The following IL1RAPL1 variants were observed in gnomAD, a reference collection of about 807,000 sequenced individuals.
The protein encoded by IL1RAPL1 is interleukin 1 receptor accessory protein like 1.
A neutral mutation model predicts 48.4 loss-of-function variants in IL1RAPL1; 3 were observed. The observed-to-expected ratio is 0.06, with a 90% CI of 0.03 to 0.16. The LOEUF (loss-of-function observed/expected upper bound fraction) is 0.16. Ranked by LOEUF, IL1RAPL1 falls within the 10% of genes least tolerant of loss-of-function variation. The probability of loss-of-function intolerance (pLI) is 1.00; values close to 1 mark genes in which losing one functional copy is unlikely to be tolerated. For missense variants in IL1RAPL1, 349 were observed against 530.6 expected (o/e 0.66, Z 3.36); for synonymous variants, 185 against 187.7 (o/e 0.99, Z 0.12).
At chrX:28,904,023 G>C (rs1386849067) in intron 2 of IL1RAPL1, among the ~76,000 whole-genome samples, 2 of 109,981 alleles carry the variant, frequency 1.8e-5, no homozygotes, top group African/African-American at 6.6e-5. Context: ...TAGACCTACA[G>C]TTATAGTTTT....
In IL1RAPL1 at chrX:29,285,821, C is replaced by T. The variant is rs180727206; in HGVS notation, c.362+2604C>T. ...CTTTTCCAATTTGGAAAGGGGTACTCAAAAGTCTTTACAAACAGCATTTGA... is the reference window on the plus strand; with the variant it reads ...CTTTTCCAATTTGGAAAGGGGTACTTAAAAGTCTTTACAAACAGCATTTGA... On this transcript the variant is annotated intron_variant, in intron 3 of 10. Transcript: ENST00000378993. 5.4e-4 allele frequency among the ~76,000 whole-genome samples: 60 copies of T among 111,265 alleles called. 1 individual carries two copies. The highest frequency in any genetic ancestry group is 1.9e-3 in the African/African-American group (59 of 30,702).
chrX:29,088,501 C>T (rs941454610), intron 2 of IL1RAPL1, among the ~76,000 whole-genome samples: 2 of 108,383 alleles, frequency 1.8e-5, no homozygotes, highest in Non-Finnish European at 3.8e-5. Flanking sequence ...CATGGTGAAA[C>T]CCTGTCTCTA....
At chrX:28,687,151 A>C (rs1287637417) in intron 1 of IL1RAPL1, among the ~76,000 whole-genome samples, 1 of 111,546 alleles carries the variant, frequency 9.0e-6, no homozygotes, top group Non-Finnish European at 1.9e-5. Context: ...TCTGCTTTCC[A>C]GTATAATTAT....
At chrX:29,946,187 T>C (rs775082569) in intron 9 of IL1RAPL1, among the ~76,000 whole-genome samples, 1 of 112,427 alleles carries the variant, frequency 8.9e-6, no homozygotes, top group Non-Finnish European at 1.9e-5. Flanking sequence ...TTCTCTATCT[T>C]ATCCTTCACA....
chrX:28,768,238 AT>A (rs1212221449), intron 1 of IL1RAPL1, among the ~76,000 whole-genome samples: 1 of 111,310 alleles, frequency 9.0e-6, no homozygotes, highest in Non-Finnish European at 1.9e-5. Flanking sequence ...GACTACATTG[AT>A]TTTGTGCACT....
chrX:29,547,330 C>A (rs907606692), intron 5 of IL1RAPL1, among the ~76,000 whole-genome samples: 1 of 110,982 alleles, frequency 9.0e-6, no homozygotes, highest in Non-Finnish European at 1.9e-5. Context: ...TGTCTAAGGT[C>A]CGTGATGCCC....
rs895045959 is a variant in IL1RAPL1 at position 29,445,540 on chromosome X, G to A, written c.703+46232G>A. ...GGCCCTTGCTGTTTCTGAGTTAGGA[G>A]TTTTATACAATATACAGAAATGTCC... is the stretch of plus-strand genomic sequence containing the variant. On this transcript the variant is annotated intron_variant, in intron 5 of 10. Transcript: ENST00000378993. Among the ~76,000 whole-genome samples, 3 of 111,973 alleles carry A rather than the reference G, an allele frequency of 2.7e-5. No homozygotes were observed. In the Admixed American group the frequency reaches 2.8e-4, roughly 11 times the overall value.
intron 2 of IL1RAPL1, among the ~76,000 whole-genome samples, chrX:29,176,260 A>ATT (rs779013148): frequency 4.0e-3 from 366 of 90,836 alleles, no homozygotes; most frequent in African/African-American, 8.1e-3. Context: ...CGCCTGGCTA[A>ATT]TTTTTTTTTT....
At chrX:29,341,012 AAG>A (rs1041799080) in intron 3 of IL1RAPL1, among the ~76,000 whole-genome samples, 1 of 112,415 alleles carries the variant, frequency 8.9e-6, no homozygotes, top group Non-Finnish European at 1.9e-5. Context: ...TAACCTATGT[AAG>A]AGAATATTCA....
At chrX:29,485,447 C>A (rs1466770162) in intron 5 of IL1RAPL1, among the ~76,000 whole-genome samples, 1 of 111,520 alleles carries the variant, frequency 9.0e-6, no homozygotes, top group Non-Finnish European at 1.9e-5. Context: ...ACTCATACAC[C>A]TCTGCAAGGT....
At position 29,776,980 on chromosome X, in the gene IL1RAPL1, A is replaced by G. The variant is rs781681816; in HGVS notation, c.778+108476A>G. 1.2e-3 allele frequency among the ~76,000 whole-genome samples: 139 copies of G among 112,122 alleles called. No homozygotes were observed. In the Middle Eastern group the frequency reaches 0.014, roughly 11 times the overall value. ...AAAACTTGCTCTCCACTTTGGTCAT[A>G]CTTGCTTTAATTCATTGCTAATTGA... On this transcript the variant is annotated intron_variant, in intron 6 of 10. Coordinates refer to ENST00000378993, the MANE Select transcript of IL1RAPL1 (RefSeq NM_014271.4).
At chrX:29,439,982 A>G (rs770551690) in intron 5 of IL1RAPL1, among the ~76,000 whole-genome samples, 41 of 56,945 alleles carry the variant, frequency 7.2e-4, no homozygotes, top group Non-Finnish European at 3.8e-4. Context: ...AACCTTATCA[A>G]TTTGACACGT....
chrX:29,667,249 C>T (rs1180798849), intron 5 of IL1RAPL1, among the ~76,000 whole-genome samples: 1 of 111,873 alleles, frequency 8.9e-6, no homozygotes, highest in Non-Finnish European at 1.9e-5. Context: ...AAACTCATTC[C>T]TTTTATTCTC....
intron 2 of IL1RAPL1, among the ~76,000 whole-genome samples, chrX:29,034,278 A>G (rs1926682066): frequency 8.9e-6 from 1 of 111,981 alleles, no homozygotes; most frequent in Admixed American, 9.5e-5. Flanking sequence ...TTTGTAACCG[A>G]GTTCTCTATT....
intron 1 of IL1RAPL1, among the ~76,000 whole-genome samples, chrX:28,592,278 G>A (rs1203040223): frequency 8.9e-6 from 1 of 111,825 alleles, no homozygotes; most frequent in Non-Finnish European, 1.9e-5. Context: ...TGAGTACTTA[G>A]GAGTTTCTGT....
intron 3 of IL1RAPL1, among the ~76,000 whole-genome samples, chrX:29,310,129 AGAAAGG>A (rs1233075006): frequency 0.027 from 1,245 of 45,518 alleles, 67 homozygotes; most frequent in African/African-American, 0.062. Context: ...AAAAAAAAAA[AGAAAGG>A]AAAAAAAAAA....
At chrX:29,665,041 A>G (rs1376154202) in intron 5 of IL1RAPL1, among the ~76,000 whole-genome samples, 2 of 112,738 alleles carry the variant, frequency 1.8e-5, no homozygotes, top group Non-Finnish European at 3.7e-5. Flanking sequence ...GAGGTCTTGA[A>G]AATACTTTTG....
chrX:28,650,740 T>A (rs1244963328), intron 1 of IL1RAPL1, among the ~76,000 whole-genome samples: 1 of 111,887 alleles, frequency 8.9e-6, no homozygotes, highest in East Asian at 2.8e-4. Context: ...AGGTAGTTTT[T>A]ATTAGCCCCA....
chrX:29,913,415 CAT>C (rs1382674321), intron 6 of IL1RAPL1, among the ~76,000 whole-genome samples: 1 of 110,281 alleles, frequency 9.1e-6, no homozygotes, highest in Non-Finnish European at 1.9e-5. Context: ...CATATATACA[CAT>C]ATATGTATAC....
Sources: gnomAD v4.1 joint callset for allele counts (sites outside exome capture counted in the v4.1 genomes callset) on GRCh38, gnomAD v4.1.1 for gene constraint, MANE v1.5 for transcripts, NCBI Gene and HGNC (gene_info 2026-07-23, HGNC 2026-07-21) for gene names.